KLHL32: variants seen among roughly 807,000 people sequenced by gnomAD.
KLHL32 encodes the protein kelch-like protein 32.
In KLHL32, 35 loss-of-function variants were observed where a neutral mutation model predicts 64.8. The observed-to-expected ratio is 0.54, with a 90% CI of 0.41 to 0.72. The LOEUF (loss-of-function observed/expected upper bound fraction) is 0.72. Among genes scored for constraint, KLHL32 ranks in the 30% least tolerant of loss-of-function variants. The pLI, the probability that KLHL32 is intolerant of heterozygous loss-of-function variation, is 0.00. For missense variants in KLHL32, 589 were observed against 768.5 expected (o/e 0.77, Z 2.76); for synonymous variants, 259 against 281.0 (o/e 0.92, Z 0.78).
intron 5 of KLHL32, among the ~76,000 whole-genome samples, chr6:97,074,502 C>T (rs1156949416): frequency 6.6e-6 from 1 of 151,256 alleles, no homozygotes. Context: ...AGATAAAAAG[C>T]GAAAATAATG....
At chr6:96,913,331 G>T in the KLHL32 span, among the ~76,000 whole-genome samples, 2 of 152,178 alleles carry the variant, frequency 1.3e-5, no homozygotes, top group Non-Finnish European at 2.9e-5. Flanking sequence ...CAGACTAACT[G>T]CAATAACCAA....
At chr6:96,906,102 G>A in the KLHL32 span, among the ~76,000 whole-genome samples, 2 of 152,266 alleles carry the variant, frequency 1.3e-5, no homozygotes, top group Non-Finnish European at 1.5e-5. Flanking sequence ...ATCCTCTGCC[G>A]AGTTTCATTT....
chr6:96,989,120 A>G (rs1301191450), intron 3 of KLHL32, among the ~76,000 whole-genome samples: 1 of 152,046 alleles, frequency 6.6e-6, no homozygotes, highest in Non-Finnish European at 1.5e-5. Flanking sequence ...AAATATTGAC[A>G]TGTGTGGATT....
chr6:97,127,485 T>A, intron 8 of KLHL32, 23 bp downstream of exon 8: 1 of 1,572,810 alleles, frequency 6.4e-7, no homozygotes, highest in Non-Finnish European at 8.7e-7. Flanking sequence ...TAAGAACACC[T>A]CATTATCTTA....
the KLHL32 span, among the ~76,000 whole-genome samples, chr6:96,915,315 G>A: frequency 1.3e-5 from 2 of 152,012 alleles, no homozygotes; most frequent in East Asian, 1.9e-4. Flanking sequence ...TTCTGGGCAT[G>A]GTAAAAGGCA....
At chr6:97,135,322 T>TTTTA (rs373996278) in intron 10 of KLHL32, among the ~76,000 whole-genome samples, 4 of 112,350 alleles carry the variant, frequency 3.6e-5, no homozygotes, top group East Asian at 2.2e-4. Flanking sequence ...TTTTTTTTTT[T>TTTTA]CCTGAGAGTG....
chr6:97,054,375 T>C (rs542977970), intron 4 of KLHL32, among the ~76,000 whole-genome samples: 24 of 152,218 alleles, frequency 1.6e-4, no homozygotes, highest in Non-Finnish European at 3.1e-4. Context: ...AATGAACACC[T>C]ACTATATGCT....
At chr6:96,956,893 A>G (rs998207633) in intron 1 of KLHL32, among the ~76,000 whole-genome samples, 5 of 152,238 alleles carry the variant, frequency 3.3e-5, no homozygotes, top group African/African-American at 1.2e-4. Context: ...AAGGCAAAAA[A>G]ATAGTAGCAC....
At chr6:96,999,460 T>C (rs1778778910) in intron 3 of KLHL32, 1 of 690,074 alleles carries the variant, frequency 1.4e-6, no homozygotes, top group South Asian at 6.6e-5. Flanking sequence ...AAAACATCAA[T>C]AAAATAATTT....
chr6:97,139,706 C>G lies in KLHL32; in HGVS notation c.*424C>G, dbSNP rs1296108260. 2 of 153,824 alleles carry G rather than the reference C, an allele frequency of 1.3e-5. No homozygotes were observed. The highest frequency in any genetic ancestry group is 2.4e-5 in the African/African-American group (1 of 41,466). 9.5% of individuals were successfully genotyped at this position (153,824 alleles called of 1,614,324 possible). A position where few individuals can be genotyped will look rare whatever the true frequency, so the allele number is the denominator to read the frequency against. The stretch of plus-strand genomic sequence containing the variant: ...ATTTAAAGCCGGGCTTGTAATTTTT[C>G]TTTTTAAAATTTAACATTATGCAGC... On this transcript the variant is annotated 3_prime_UTR_variant, in exon 11 of 11. Coordinates refer to ENST00000369261, the MANE Select transcript of KLHL32 (RefSeq NM_052904.4).
At chr6:96,912,748 CA>C in the KLHL32 span, among the ~76,000 whole-genome samples, 47 of 152,236 alleles carry the variant, frequency 3.1e-4, no homozygotes, top group African/African-American at 1.1e-3. Flanking sequence ...GTTTATGTGT[CA>C]CTTTATCCAG....
intron 3 of KLHL32, among the ~76,000 whole-genome samples, chr6:97,022,989 A>G (rs1168719465): frequency 6.6e-6 from 1 of 152,162 alleles, no homozygotes; most frequent in East Asian, 1.9e-4. Flanking sequence ...AGCAGGGGAA[A>G]CTGCCACTTA....
chr6:96,958,755 G>C (rs942204910), intron 1 of KLHL32, among the ~76,000 whole-genome samples: 3 of 152,146 alleles, frequency 2.0e-5, no homozygotes, highest in African/African-American at 7.2e-5. Context: ...CCATTGGAAA[G>C]AATTCAGAAA....
At chr6:97,007,311 TA>T (rs1361986988) in intron 3 of KLHL32, among the ~76,000 whole-genome samples, 1 of 152,230 alleles carries the variant, frequency 6.6e-6, no homozygotes, top group African/African-American at 2.4e-5. Flanking sequence ...TTGTATTATG[TA>T]ATCCTTAAAG....
intron 3 of KLHL32, among the ~76,000 whole-genome samples, chr6:96,988,576 C>A (rs1777419989): frequency 6.6e-6 from 1 of 152,114 alleles, no homozygotes; most frequent in South Asian, 2.1e-4. Context: ...ACTAGAAATA[C>A]CATTTGACCC....
intron 6 of KLHL32, chr6:97,105,425 C>G (rs1285046738): frequency 2.1e-6 from 1 of 470,792 alleles, no homozygotes; most frequent in Non-Finnish European, 4.4e-6. Flanking sequence ...CTTCCTTTGT[C>G]TTTTTCTGAA....
intron 6 of KLHL32, among the ~76,000 whole-genome samples, chr6:97,110,128 C>T (rs1583057594): frequency 6.6e-6 from 1 of 152,184 alleles, no homozygotes; most frequent in African/African-American, 2.4e-5. Context: ...GTCTCCACTT[C>T]TGGCAGAGAC....
chr6:97,020,253 T>A (rs1436937260), intron 3 of KLHL32, among the ~76,000 whole-genome samples: 1 of 150,558 alleles, frequency 6.6e-6, no homozygotes, highest in Non-Finnish European at 1.5e-5. Context: ...TACTATTTTT[T>A]AAAAATACAA....
intron 3 of KLHL32, among the ~76,000 whole-genome samples, chr6:97,027,361 C>A (rs1176651398): frequency 6.6e-6 from 1 of 152,116 alleles, no homozygotes; most frequent in Non-Finnish European, 1.5e-5. Context: ...CTGCAGGAAG[C>A]CATTACCAAT....
Sources: gnomAD v4.1 joint callset for allele counts (sites outside exome capture counted in the v4.1 genomes callset) on GRCh38, gnomAD v4.1.1 for gene constraint, MANE v1.5 for transcripts, NCBI Gene and HGNC (gene_info 2026-07-23, HGNC 2026-07-21) for gene names.